The following DGKQ variants were observed in gnomAD, a reference collection of about 807,000 sequenced individuals.
DGKQ encodes the protein DAG kinase theta.
Under a neutral mutation model 104.2 loss-of-function variants are expected in DGKQ, and 97 were observed. The observed-to-expected ratio is 0.93, with a 90% CI of 0.79 to 1.10. The LOEUF (loss-of-function observed/expected upper bound fraction) is 1.10, where lower values mean the gene tolerates loss of function less well. Among genes scored for constraint, DGKQ ranks in the 50% least tolerant of loss-of-function variants. The pLI is 0.00. For synonymous variants in DGKQ, 736 were observed against 595.2 expected (o/e 1.24, Z -3.44); for missense variants, 1,465 against 1,352.1 (o/e 1.08, Z -1.31).
chr4:973,504 C>G lies in DGKQ; in HGVS notation c.-22G>C. Reference sequence around the variant, plus strand: ...CCATTCCCGGCCCGAGCGGCCCGAGCCCCTTTAGGTCCGCGCCGGGGGTAC... The same window carrying G: ...CCATTCCCGGCCCGAGCGGCCCGAGGCCCTTTAGGTCCGCGCCGGGGGTAC... On this transcript the variant is annotated 5_prime_UTR_variant, in exon 1 of 23. Transcript: ENST00000273814. 1.0e-6 allele frequency: 1 copy of G among 986,924 alleles called. No individual in the cohort carries two copies. The highest frequency in any genetic ancestry group is 1.2e-6 in the Non-Finnish European group (1 of 831,218). The allele number at this position is 986,924 out of a possible 1,614,324, so 61.1% of individuals were successfully genotyped here.
intron 2 of DGKQ, among the ~76,000 whole-genome samples, chr4:969,928 A>C (rs1712795973): frequency 6.6e-6 from 1 of 152,206 alleles, no homozygotes; most frequent in Non-Finnish European, 1.5e-5. Flanking sequence ...ACATCTTCTA[A>C]ATTTCCTATC....
intron 7 of DGKQ, 39 bp from the exon 8 acceptor site, chr4:967,688 G>A (rs752106111): frequency 1.9e-6 from 3 of 1,611,908 alleles, no homozygotes; most frequent in Admixed American, 1.7e-5. Context: ...GGCGCCCGGG[G>A]GACCTCAGTG....
At chr4:968,140 C>G in intron 5 of DGKQ, 113 bp from the exon 6 acceptor site, 2 of 887,350 alleles carry the variant, frequency 2.3e-6, no homozygotes. Context: ...ACCCCGTGTC[C>G]TTCCTGCCGC....
At chr4:963,871 TCCCTACGACAGGAGGCTAGGGA>T (rs796458626) in intron 15 of DGKQ, among the ~76,000 whole-genome samples, 23 of 152,076 alleles carry the variant, frequency 1.5e-4, no homozygotes, top group South Asian at 6.2e-4. Context: ...AGGGCTGGGA[TCCCTACGACAGGAGGCTAGGGA>T]CCCTACGACA....
chr4:973,160 A>G (rs1304489015), intron 1 of DGKQ, 52 bp downstream of exon 1: 16 of 1,435,778 alleles, frequency 1.1e-5, no homozygotes, highest in Admixed American at 2.8e-5. Flanking sequence ...GCTCCCGCCC[A>G]CGGGGCAGAG....
Position 960,715 on chromosome 4 carries a change from T to C in DGKQ, c.2734A>G (p.Met912Val), listed in dbSNP as rs1451248924. 1.9e-6 allele frequency: 3 copies of C among 1,611,808 alleles called. No individual in the cohort carries two copies. The highest frequency in any genetic ancestry group is 2.5e-6 in the Non-Finnish European group (3 of 1,179,622). The change falls in exon 23 of 23, where the codon ATG becomes GTG. Residue 912 changes from methionine (M) to valine (V), a missense_variant. Coordinates refer to ENST00000273814, the MANE Select transcript of DGKQ (RefSeq NM_001347.4). Reference protein sequence around the residue: ...IISAAGPKVHMLRKAKQKPRR... With the variant: ...IISAAGPKVHVLRKAKQKPRR... ...GGCTTCTGCTTGGCCTTCCTCAGCA[T>C]GTGCACCTGTCCCAGGGCAGGGGAC...
chr4:963,268 C>G lies in DGKQ; in HGVS notation c.1757G>C (p.Ser586Thr), dbSNP rs199789034. 181 of 1,606,522 alleles carry G rather than the reference C, an allele frequency of 1.1e-4. 1 individual carries two copies. Among genetic ancestry groups the G allele is most frequent in the Non-Finnish European group, 1.3e-4 (147 of 1,174,892 alleles). The change falls in exon 16 of 23, where the codon AGC (serine) becomes ACC (threonine). Residue 586 changes from serine to threonine, a missense_variant. Physicochemically the swap from Ser to Thr is moderately conservative, Grantham distance 58. Transcript: ENST00000273814. ...GTTCACGAACACAAGGAGGGGACAG[C>G]TGTCTGGGGGCAGCTTCGCGTGCTG... ...DLLHAKLPPD[S>T]CPLLVFVNPK...
intron 2 of DGKQ, among the ~76,000 whole-genome samples, chr4:969,862 C>T (rs1451663656): frequency 5.3e-5 from 8 of 152,200 alleles, no homozygotes; most frequent in Non-Finnish European, 1.0e-4. Context: ...CTACCTGCCT[C>T]GGCCTCCCAA....
chr4:966,222 C>A (rs1046113717), intron 12 of DGKQ, 144 bp from the exon 13 acceptor site: 3 of 970,446 alleles, frequency 3.1e-6, no homozygotes, highest in Non-Finnish European at 4.6e-6. Flanking sequence ...AGGAAAGGGG[C>A]CACAGAGGCT....
At chr4:972,473 C>A (rs1713003345) in intron 1 of DGKQ, among the ~76,000 whole-genome samples, 1 of 152,206 alleles carries the variant, frequency 6.6e-6, no homozygotes, top group Non-Finnish European at 1.5e-5. Context: ...CTAAGGATAG[C>A]CCCTCCCACC....
At position 958,938 on chromosome 4, in the gene DGKQ, A is replaced by T. The variant is rs1711650594; in HGVS notation, c.*1682T>A. On this transcript the variant is annotated 3_prime_UTR_variant, in exon 23 of 23. Transcript: ENST00000273814. ...TGTCCTGGATATAAATTACTGTTGC[A>T]TTCAGGCAGCGATAAATACAGAGGG... The T allele has an allele frequency of 1.1e-5, 2 of 176,978 alleles. No individual in the cohort carries two copies. The highest frequency in any genetic ancestry group is 3.4e-4 in the East Asian group (2 of 5,956). 11.0% of individuals were successfully genotyped at this position (176,978 alleles called of 1,614,324 possible). A position where few individuals can be genotyped will look rare whatever the true frequency, so the allele number is the denominator to read the frequency against.
Position 966,974 on chromosome 4 carries a change from A to G in DGKQ, c.1301T>C (p.Leu434Pro). 1 of 1,564,054 alleles carries G rather than the reference A, an allele frequency of 6.4e-7. No homozygotes were observed. Among genetic ancestry groups the G allele is most frequent in the Non-Finnish European group, 8.6e-7 (1 of 1,157,162 alleles). ...RSVVLEVLPL[L>P]GRQAESPESF... is the part of the protein sequence containing the mutation. ...GCACAGGGTACGCACCTGGCGGCCG[A>G]GCAGCGGCAGGACCTCCAGCACCAC... Residue 434 changes from leucine to proline, a missense_variant, in exon 10 of 23, where the codon CTC (leucine) becomes CCC (proline). By Grantham distance (98) the Leu-to-Pro change is moderately conservative. Coordinates refer to ENST00000273814, the MANE Select transcript of DGKQ (RefSeq NM_001347.4).
rs149082654 is a variant in DGKQ, at chr4:968,815, G to C, written c.447C>G (p.Cys149Trp). ...RKVLEAPALH[C>W]EVCELHLHPD... The stretch of plus-strand genomic sequence containing the variant: ...AGCCAGGCAGGCTCCAGGTACCTTC[G>C]CAGTGGAGCGCCGGTGCCTCCAGGA... The change falls in exon 3 of 23, where the codon TGC becomes TGG. Residue 149 changes from cysteine (C) to tryptophan (W), a missense_variant. Coordinates refer to ENST00000273814, the MANE Select transcript of DGKQ (RefSeq NM_001347.4). 1.9e-6 allele frequency: 3 copies of C among 1,609,380 alleles called. No homozygotes were observed. The highest frequency in any genetic ancestry group is 1.7e-5 in the Admixed American group (1 of 59,730).
intron 17 of DGKQ, 35 bp downstream of exon 17, chr4:962,735 CCT>C: frequency 1.3e-6 from 2 of 1,597,790 alleles, no homozygotes; most frequent in Non-Finnish European, 1.7e-6. Flanking sequence ...AGGGGTAGAC[CCT>C]GAGGCCCCCT....
At chr4:963,059 G>A (rs557971705) in intron 16 of DGKQ, 80 bp downstream of exon 16, 55 of 1,497,408 alleles carry the variant, frequency 3.7e-5, no homozygotes, top group Admixed American at 6.4e-5. Flanking sequence ...AGCTCCTGCC[G>A]GCCGAGACAG....
rs952623234 is a variant in DGKQ, at chr4:963,776, G to A, written c.1735-486C>T. Among the ~76,000 whole-genome samples, 38 of 152,208 alleles carry A rather than the reference G, an allele frequency of 2.5e-4. 1 individual carries two copies. Among genetic ancestry groups the A allele is most frequent in the Admixed American group, 2.0e-3 (30 of 15,290 alleles). On this transcript the variant is annotated intron_variant, in intron 15 of 22. Transcript: ENST00000273814. ...GCTCTTAACTCACAGGGTGGCACGCGGCGTCCCTCGACCACAGGACAGAGT... is the reference window on the plus strand; with the variant it reads ...GCTCTTAACTCACAGGGTGGCACGCAGCGTCCCTCGACCACAGGACAGAGT...
In DGKQ at chr4:967,890, G is replaced by C. The variant is rs764712203; in HGVS notation, c.801C>G (p.Ala267=). ...CGGCCCGCACCTCACCCGGCTCCGC[G>C]GCCTCCACGATGCGGAAGCTCTGCG... ...SKTQSFRIVE[A]AEPGEGGDGA... is the part of the protein sequence containing the mutation. The change falls in exon 6 of 23, where the codon GCC becomes GCG. Residue 267 remains alanine (A), a synonymous_variant. Transcript: ENST00000273814. The C allele has an allele frequency of 2.8e-6, 4 of 1,449,554 alleles. No homozygotes were observed. The highest frequency in any genetic ancestry group is 2.9e-5 in the African/African-American group (2 of 68,070). 89.8% of individuals were successfully genotyped at this position (1,449,554 alleles called of 1,614,324 possible). A position where few individuals can be genotyped will look rare whatever the true frequency, so the allele number is the denominator to read the frequency against.
At position 966,759 on chromosome 4, in the gene DGKQ, C is replaced by CCCATCG. The variant is rs772616430; in HGVS notation, c.1349_1354dup (p.Ala450_Met451dup). The CCCATCG allele has an allele frequency of 6.2e-7, 1 of 1,608,956 alleles. No individual in the cohort carries two copies. On this transcript the variant is annotated inframe_insertion, in exon 11 of 23. Transcript: ENST00000273814. ...GGCTGTCTACTCACCGTGCCTGCAGCCCATCGCCACCTCCACCAGCTGGAA... is the reference window on the plus strand; with the variant it reads ...GGCTGTCTACTCACCGTGCCTGCAGCCCATCGCCATCGCCACCTCCACCAGCTGGAA...
chr4:962,449 C>T lies in DGKQ; in HGVS notation c.2200G>A (p.Ala734Thr), dbSNP rs139469812. The change falls in exon 18 of 23, where the codon GCA becomes ACA. Residue 734 changes from alanine to threonine, a missense_variant. Coordinates refer to ENST00000273814, the MANE Select transcript of DGKQ (RefSeq NM_001347.4). ...CTGCCCTGTACCTTGGGGGGCTCTG[C>T]GTCTGCCGTGTCGTTCTCTGCACTG... Reference protein sequence around the residue: ...AGSAENDTADAEPPKIVQMSN... With the variant: ...AGSAENDTADTEPPKIVQMSN... 5.6e-5 allele frequency: 88 copies of T among 1,582,784 alleles called. No individual in the cohort carries two copies. The East Asian group carries it at 9.0e-4, about 16-fold the overall frequency.
Sources: allele counts gnomAD v4.1 joint callset (sites outside exome capture counted in the v4.1 genomes callset), GRCh38; gene constraint gnomAD v4.1.1; transcripts MANE v1.5; gene names NCBI Gene and HGNC (gene_info 2026-07-23, HGNC 2026-07-21).